The following TSPO2 variants were observed in gnomAD, a reference collection of about 807,000 sequenced individuals.
TSPO2 encodes benzodiazapine receptor (peripheral)-like 1.
A neutral mutation model predicts 13.3 loss-of-function variants in TSPO2; 15 were observed. The ratio of observed to expected loss-of-function variants is 1.13; its 90% CI spans 0.75 to 1.73. The LOEUF (loss-of-function observed/expected upper bound fraction) is 1.73, where lower values mean the gene tolerates loss of function less well. Among genes scored for constraint, TSPO2 ranks in the 40% most tolerant of loss-of-function variants. The pLI is 0.00. For missense variants in TSPO2, 202 were observed against 198.3 expected (o/e 1.02, Z -0.11); for synonymous variants, 81 against 91.6 (o/e 0.88, Z 0.66).
rs1391989112 is a variant in TSPO2, at chr6:41,042,685, CTTAGAAG to C, written c.-113_-107del. ...AAGCACTTGGAGGAAGGCCTATTCA[CTTAGAAG>C]CAGTTACCAGTGCTGGGCAGTGTCC... On this transcript the variant is annotated 5_prime_UTR_variant, in exon 1 of 4. Coordinates refer to ENST00000373161, the MANE Select transcript of TSPO2 (RefSeq NM_001010873.3). The C allele has an allele frequency of 5.2e-6, 3 of 573,022 alleles. No individual in the cohort carries two copies. In the African/African-American group the frequency reaches 5.5e-5, roughly 11 times the overall value. 35.5% of individuals were successfully genotyped at this position (573,022 alleles called of 1,614,324 possible). A position where few individuals can be genotyped will look rare whatever the true frequency, so the allele number is the denominator to read the frequency against.
In TSPO2 at chr6:41,043,086, C is replaced by T. The variant is rs1457944934; in HGVS notation, c.101C>T (p.Pro34Leu). Reference sequence around the variant, plus strand: ...CACATGTCTGGTTGGTGTGAGGGCCCGAGGATGCTGTCCTGGTGCCCATTC... The same window carrying T: ...CACATGTCTGGTTGGTGTGAGGGCCTGAGGATGCTGTCCTGGTGCCCATTC... Reference protein sequence around the residue: ...RDHMSGWCEGPRMLSWCPFYK... With the variant: ...RDHMSGWCEGLRMLSWCPFYK... Residue 34 changes from proline (P) to leucine (L), a missense_variant, in exon 2 of 4, where the codon CCG (proline) becomes CTG (leucine). Coordinates refer to ENST00000373161, the MANE Select transcript of TSPO2 (RefSeq NM_001010873.3). 3.1e-6 allele frequency: 5 copies of T among 1,614,098 alleles called. No individual in the cohort carries two copies. The highest frequency in any genetic ancestry group is 2.5e-6 in the Non-Finnish European group (3 of 1,180,020).
chr6:41,043,067 T>A lies in TSPO2; in HGVS notation c.82T>A (p.Ser28Thr). ...LVWLFTRDHM[S>T]GWCEGPRMLS... The stretch of plus-strand genomic sequence containing the variant: ...CTGGCTGTTCACTCGTGATCACATG[T>A]CTGGTTGGTGTGAGGGCCCGAGGAT... Residue 28 changes from serine to threonine, a missense_variant, in exon 2 of 4, where the codon TCT (serine) becomes ACT (threonine). By Grantham distance (58) the Ser-to-Thr change is moderately conservative (BLOSUM62 1). Coordinates refer to ENST00000373161, the MANE Select transcript of TSPO2 (RefSeq NM_001010873.3). 2 of 1,614,166 alleles carry A rather than the reference T, an allele frequency of 1.2e-6. No homozygotes were observed. Among genetic ancestry groups the A allele is most frequent in the Non-Finnish European group, 1.7e-6 (2 of 1,180,024 alleles).
In TSPO2 at chr6:41,043,137, C is replaced by G. The variant is rs1330737696; in HGVS notation, c.152C>G (p.Thr51Arg). ...TACAAAGTCTTATTGCTTGTACAGACAGCCATCTACTCTGTCGTGGGGTGA... is the reference window on the plus strand; with the variant it reads ...TACAAAGTCTTATTGCTTGTACAGAGAGCCATCTACTCTGTCGTGGGGTGA... ...PFYKVLLLVQ[T>R]AIYSVVGYAS... is the part of the protein sequence containing the mutation. Residue 51 changes from threonine (T) to arginine (R), a missense_variant, in exon 2 of 4, where the codon ACA becomes AGA. Thr to Arg is a moderately conservative substitution (Grantham distance 71). Transcript: ENST00000373161. 1.4e-5 allele frequency: 22 copies of G among 1,613,130 alleles called. No homozygotes were observed. Among genetic ancestry groups the G allele is most frequent in the Non-Finnish European group, 1.9e-5 (22 of 1,179,564 alleles).
In TSPO2 at chr6:41,043,080, AG is replaced by A. The variant is rs1762613606; in HGVS notation, c.98del (p.Gly33AlafsTer86). 6.2e-7 allele frequency: 1 copy of A among 1,613,972 alleles called. No homozygotes were observed. The highest frequency in any genetic ancestry group is 8.5e-7 in the Non-Finnish European group (1 of 1,180,016). On this transcript the variant is annotated frameshift_variant, in exon 2 of 4. Transcript: ENST00000373161. LOFTEE classifies it high-confidence loss of function. Reference protein sequence around the residue: ...FTRDHMSGWCEGPRMLSWCPF... With the variant: ...FTRDHMSGWCXGPRMLSWCPF... ...CGTGATCACATGTCTGGTTGGTGTG[AG>A]GGCCCGAGGATGCTGTCCTGGTGCC...
rs1417261108 is a variant in TSPO2, at chr6:41,043,936, C to T, written c.316-4C>T. On this transcript the variant is annotated splice_region_variant and splice_polypyrimidine_tract_variant and intron_variant, in intron 3 of 3. Transcript: ENST00000373161. ...GCCAGCTGACCCCCGGCCTCTATGC[C>T]CAGGCCCTGCTGCACCTGCTGCTGC... is the stretch of plus-strand genomic sequence containing the variant. 6.2e-7 allele frequency: 1 copy of T among 1,612,572 alleles called. No homozygotes were observed. The highest frequency in any genetic ancestry group is 8.5e-7 in the Non-Finnish European group (1 of 1,179,486).
At position 41,042,599 on chromosome 6, in the gene TSPO2, T is replaced by G. The variant is rs756615001; in HGVS notation, c.-200T>G. On this transcript the variant is annotated 5_prime_UTR_variant, in exon 1 of 4. Coordinates refer to ENST00000373161, the MANE Select transcript of TSPO2 (RefSeq NM_001010873.3). ...TCTCGGTGAGGGCCAGCTACATACC[T>G]GGCTAAGCGCTGCCCACTGCAGAAA... 21 of 426,826 alleles carry G rather than the reference T, an allele frequency of 4.9e-5. No homozygotes were observed. The highest frequency in any genetic ancestry group is 8.8e-5 in the Non-Finnish European group (19 of 215,138). 26.4% of individuals were successfully genotyped at this position (426,826 alleles called of 1,614,324 possible).
chr6:41,042,629 C>G lies in TSPO2; in HGVS notation c.-170C>G, dbSNP rs9369260. ...AAGCGCTGCCCACTGCAGAAAAGCTCATCACCCGGGACCTGATCTCCAGGA... is the reference window on the plus strand; with the variant it reads ...AAGCGCTGCCCACTGCAGAAAAGCTGATCACCCGGGACCTGATCTCCAGGA... On this transcript the variant is annotated 5_prime_UTR_variant, in exon 1 of 4. Transcript: ENST00000373161. 0.23 allele frequency: 110,689 copies of G among 479,720 alleles called. 13,457 individuals carry two copies. Among genetic ancestry groups the G allele is most frequent in the South Asian group, 0.29 (18,529 of 63,526 alleles). 29.7% of individuals were successfully genotyped at this position (479,720 alleles called of 1,614,324 possible).
upstream of TSPO2, among the ~76,000 whole-genome samples, chr6:41,042,039 G>C (rs1045150498): frequency 2.6e-5 from 4 of 152,036 alleles, no homozygotes; most frequent in African/African-American, 9.7e-5. Context: ...TAATCAGATT[G>C]TTTTCTCTCC....
rs930922151 is a variant in TSPO2 at position 41,042,602 on chromosome 6, C to T, written c.-197C>T. 4 of 435,128 alleles carry T rather than the reference C, an allele frequency of 9.2e-6. No individual in the cohort carries two copies. Among genetic ancestry groups the T allele is most frequent in the Non-Finnish European group, 1.8e-5 (4 of 219,232 alleles). 27.0% of individuals were successfully genotyped at this position (435,128 alleles called of 1,614,324 possible). A position where few individuals can be genotyped will look rare whatever the true frequency, so the allele number is the denominator to read the frequency against. ...CGGTGAGGGCCAGCTACATACCTGG[C>T]TAAGCGCTGCCCACTGCAGAAAAGC... On this transcript the variant is annotated 5_prime_UTR_variant, in exon 1 of 4. Coordinates refer to ENST00000373161, the MANE Select transcript of TSPO2 (RefSeq NM_001010873.3).
chr6:41,043,963 G>A lies in TSPO2; in HGVS notation c.339G>A (p.Leu113=), dbSNP rs374789953. ...AGGCCCTGCTGCACCTGCTGCTGCT[G>A]TATGGGCTGGTGGTGAGCACAGCAC... ...PGLALLHLLL[L]YGLVVSTALI... The change falls in exon 4 of 4, where the codon CTG becomes CTA. Residue 113 remains leucine (L), a synonymous_variant. Coordinates refer to ENST00000373161, the MANE Select transcript of TSPO2 (RefSeq NM_001010873.3). The A allele has an allele frequency of 6.2e-7, 1 of 1,613,946 alleles. No homozygotes were observed. The highest frequency in any genetic ancestry group is 8.5e-7 in the Non-Finnish European group (1 of 1,179,936).
At position 41,043,658 on chromosome 6, in the gene TSPO2, C is replaced by T. The variant is rs1762627769; in HGVS notation, c.275C>T (p.Thr92Ile). The T allele has an allele frequency of 2.5e-6, 4 of 1,613,118 alleles. No individual in the cohort carries two copies. Among genetic ancestry groups the T allele is most frequent in the Non-Finnish European group, 2.5e-6 (3 of 1,179,408 alleles). ...LYAVQLTISW[T>I]VLVLFFTVHN... ...GCTGTTCAGCTCACCATCAGCTGGA[C>T]TGTCCTGGTTCTCTTTTTCACAGTC... The change falls in exon 3 of 4, where the codon ACT becomes ATT. Residue 92 changes from threonine to isoleucine, a missense_variant. Thr to Ile is a moderately conservative substitution (Grantham distance 89). Transcript: ENST00000373161.
Position 41,043,094 on chromosome 6 carries a change from C to G in TSPO2, c.109C>G (p.Leu37Val). ...TGGTTGGTGTGAGGGCCCGAGGATGCTGTCCTGGTGCCCATTCTACAAAGT... is the reference window on the plus strand; with the variant it reads ...TGGTTGGTGTGAGGGCCCGAGGATGGTGTCCTGGTGCCCATTCTACAAAGT... Reference protein sequence around the residue: ...MSGWCEGPRMLSWCPFYKVLL... With the variant: ...MSGWCEGPRMVSWCPFYKVLL... Residue 37 changes from leucine (L) to valine (V), a missense_variant, in exon 2 of 4, where the codon CTG becomes GTG. Physicochemically the swap from Leu to Val is conservative, Grantham distance 32. Coordinates refer to ENST00000373161, the MANE Select transcript of TSPO2 (RefSeq NM_001010873.3). 6.2e-7 allele frequency: 1 copy of G among 1,614,144 alleles called. No homozygotes were observed. The highest frequency in any genetic ancestry group is 8.5e-7 in the Non-Finnish European group (1 of 1,180,026).
chr6:41,044,334 T>A lies in TSPO2; in HGVS notation c.*197T>A, dbSNP rs540579457. On this transcript the variant is annotated 3_prime_UTR_variant, in exon 4 of 4. Coordinates refer to ENST00000373161, the MANE Select transcript of TSPO2 (RefSeq NM_001010873.3). The stretch of plus-strand genomic sequence containing the variant: ...AATAATAAAATCCTATTAGTAACTC[T>A]GAAGGTATGATGTGAAGTGTGTATT... The A allele has an allele frequency of 3.3e-6, 2 of 601,244 alleles. No individual in the cohort carries two copies. The highest frequency in any genetic ancestry group is 2.8e-5 in the East Asian group (1 of 35,552). 37.2% of individuals were successfully genotyped at this position (601,244 alleles called of 1,614,324 possible).
upstream of TSPO2, among the ~76,000 whole-genome samples, chr6:41,041,624 T>C (rs1238382975): frequency 1.3e-5 from 2 of 150,770 alleles, no homozygotes; most frequent in Non-Finnish European, 3.0e-5. Context: ...CAGGTGGGCA[T>C]GCTGCTCAGC....
Position 41,043,612 on chromosome 6 carries a change from G to T in TSPO2, c.229G>T (p.Ala77Ser). 1 of 1,613,238 alleles carries T rather than the reference G, an allele frequency of 6.2e-7. No individual in the cohort carries two copies. Among genetic ancestry groups the T allele is most frequent in the East Asian group, 2.2e-5 (1 of 44,846 alleles). Residue 77 changes from alanine to serine, a missense_variant, in exon 3 of 4, where the codon GCC (alanine) becomes TCC (serine). Transcript: ENST00000373161. ...GGGAGGGGGCTTGGGGTGGCCCCTG[G>T]CCCTGCCTCTTGGCCTCTATGCTGT... is the stretch of plus-strand genomic sequence containing the variant. ...DLGGGLGWPLALPLGLYAVQL... is the reference protein window; with the variant it reads ...DLGGGLGWPLSLPLGLYAVQL...
chr6:41,041,619 G>A (rs961683198), upstream of TSPO2, among the ~76,000 whole-genome samples: 1 of 150,724 alleles, frequency 6.6e-6, no homozygotes, highest in Non-Finnish European at 1.5e-5. Context: ...ATGCACAGGT[G>A]GGCATGCTGC....
At chr6:41,043,883 G>T in intron 3 of TSPO2, 57 bp from the exon 4 acceptor site, 1 of 1,579,610 alleles carries the variant, frequency 6.3e-7, no homozygotes. Context: ...GGGTACTGCA[G>T]AAAGGTGGAG....
chr6:41,042,897 T>C (rs1762608494), intron 1 of TSPO2, 69 bp from the exon 2 acceptor site: 3 of 1,510,430 alleles, frequency 2.0e-6, no homozygotes, highest in Non-Finnish European at 2.8e-6. Context: ...ATGAGTCAGG[T>C]TAGGAGGCAG....
chr6:41,043,098 C>G lies in TSPO2; in HGVS notation c.113C>G (p.Ser38Cys), dbSNP rs778648931. 1 of 1,614,102 alleles carries G rather than the reference C, an allele frequency of 6.2e-7. No homozygotes were observed. The highest frequency in any genetic ancestry group is 1.1e-5 in the South Asian group (1 of 91,080). Residue 38 changes from serine to cysteine, a missense_variant, in exon 2 of 4, where the codon TCC becomes TGC. Physicochemically the swap from Ser to Cys is moderately radical, Grantham distance 112. Coordinates refer to ENST00000373161, the MANE Select transcript of TSPO2 (RefSeq NM_001010873.3). ...TGGTGTGAGGGCCCGAGGATGCTGT[C>G]CTGGTGCCCATTCTACAAAGTCTTA... ...SGWCEGPRML[S>C]WCPFYKVLLL...
Sources: allele counts gnomAD v4.1 joint callset (sites outside exome capture counted in the v4.1 genomes callset), GRCh38; gene constraint gnomAD v4.1.1; transcripts MANE v1.5; gene names NCBI Gene and HGNC (gene_info 2026-07-23, HGNC 2026-07-21).